Variants in HDAC9 observed in about 807,000 individuals in gnomAD.
HDAC9 encodes the protein MEF-2 interacting transcription repressor (MITR) protein.
HDAC9 carries 41 observed loss-of-function variants against 139.4 expected under a neutral mutation model. That is an observed-to-expected ratio of 0.29 (90% CI 0.23 to 0.38). The LOEUF (loss-of-function observed/expected upper bound fraction) is 0.38, where lower values mean the gene tolerates loss of function less well. Among genes scored for constraint, HDAC9 ranks in the 10% least tolerant of loss-of-function variants. The probability of loss-of-function intolerance (pLI) is 1.00; values close to 1 mark genes in which losing one functional copy is unlikely to be tolerated. For synonymous variants in HDAC9, 517 were observed against 476.2 expected (o/e 1.09, Z -1.12); for missense variants, 1,147 against 1,297.0 (o/e 0.88, Z 1.78).
intron 2 of HDAC9, among the ~76,000 whole-genome samples, chr7:18,198,252 C>T (rs1432283913): frequency 2.8e-4 from 43 of 151,922 alleles, no homozygotes. Flanking sequence ...TAAAGAAAAT[C>T]TCTTAATACA....
intron 22 of HDAC9, among the ~76,000 whole-genome samples, chr7:18,886,623 A>G (rs2129263598): frequency 6.6e-6 from 1 of 152,294 alleles, no homozygotes; most frequent in South Asian, 2.1e-4. Context: ...ATGGAAAATA[A>G]TATTTTACTC....
chr7:18,734,316 G>C (rs900207159), intron 13 of HDAC9, among the ~76,000 whole-genome samples: 1 of 152,090 alleles, frequency 6.6e-6, no homozygotes, highest in East Asian at 1.9e-4. Context: ...TGCCATGTTG[G>C]TTTGCCGTAC....
At chr7:18,591,741 C>T in intron 5 of HDAC9, 99 bp downstream of exon 5, 3 of 1,476,700 alleles carry the variant, frequency 2.0e-6, no homozygotes, top group Non-Finnish European at 2.7e-6. Context: ...CATTTCTCAG[C>T]TGTCTGGCTG....
chr7:18,702,372 G>T (rs929691022), intron 12 of HDAC9, among the ~76,000 whole-genome samples: 3 of 152,184 alleles, frequency 2.0e-5, no homozygotes, highest in Non-Finnish European at 4.4e-5. Context: ...ATTTATGGAC[G>T]CACTGGTGTC....
chr7:18,310,336 A>G (rs910475100), intron 1 of HDAC9, among the ~76,000 whole-genome samples: 2 of 152,158 alleles, frequency 1.3e-5, no homozygotes, highest in Middle Eastern at 6.3e-3. Flanking sequence ...AGGACGATAT[A>G]CCATGGCCCA....
intron 2 of HDAC9, among the ~76,000 whole-genome samples, chr7:18,266,284 A>G (rs1225212634): frequency 6.6e-6 from 1 of 152,166 alleles, no homozygotes; most frequent in Non-Finnish European, 1.5e-5. Flanking sequence ...TGAAAGTTCT[A>G]ATTTTATTAG....
chr7:18,902,708 A>G (rs1388488121), intron 22 of HDAC9, among the ~76,000 whole-genome samples: 2 of 152,230 alleles, frequency 1.3e-5, no homozygotes, highest in African/African-American at 2.4e-5. Flanking sequence ...ATTTCCTAAA[A>G]TATAATTATT....
chr7:18,174,455 C>CT (rs1788716888), intron 2 of HDAC9, among the ~76,000 whole-genome samples: 1 of 152,208 alleles, frequency 6.6e-6, no homozygotes, highest in Admixed American at 6.5e-5. Context: ...CTTCTGTCAG[C>CT]TCATCAAAGT....
chr7:18,879,936 A>G (rs1160969782), intron 22 of HDAC9, among the ~76,000 whole-genome samples: 1 of 152,194 alleles, frequency 6.6e-6, no homozygotes, highest in African/African-American at 2.4e-5. Context: ...AATATTCAGC[A>G]TCTATAAGGA....
chr7:18,338,198 A>T (rs1210825512), intron 1 of HDAC9, among the ~76,000 whole-genome samples: 1 of 151,758 alleles, frequency 6.6e-6, no homozygotes, highest in Non-Finnish European at 1.5e-5. Context: ...AGGGTAAGTT[A>T]TATATAATCA....
At chr7:18,540,395 T>C (rs1240495879) in intron 2 of HDAC9, among the ~76,000 whole-genome samples, 4 of 152,160 alleles carry the variant, frequency 2.6e-5, no homozygotes, top group African/African-American at 4.8e-5. Context: ...AATATATTTA[T>C]TCTTTCCTTT....
At chr7:18,586,935 C>T (rs531110615) in intron 3 of HDAC9, among the ~76,000 whole-genome samples, 57 of 152,124 alleles carry the variant, frequency 3.7e-4, no homozygotes, top group African/African-American at 1.3e-3. Flanking sequence ...ATAATAGAAA[C>T]ATTGATATCT....
chr7:18,970,359 G>A (rs1330273504), intron 24 of HDAC9, among the ~76,000 whole-genome samples: 1 of 152,092 alleles, frequency 6.6e-6, no homozygotes, highest in Admixed American at 6.5e-5. Context: ...CATGAATTAT[G>A]CAATTTTTAT....
intron 1 of HDAC9, among the ~76,000 whole-genome samples, chr7:18,459,509 A>G (rs1296220126): frequency 6.6e-6 from 1 of 152,078 alleles, no homozygotes; most frequent in Non-Finnish European, 1.5e-5. Flanking sequence ...GCAATTTTAT[A>G]ACAGGTAATG....
chr7:18,540,919 A>G (rs1160760137), intron 2 of HDAC9, among the ~76,000 whole-genome samples: 1 of 152,142 alleles, frequency 6.6e-6, no homozygotes, highest in Admixed American at 6.5e-5. Context: ...TAGAAGATAG[A>G]TACTATTATT....
At chr7:18,897,515 G>C (rs1373483459) in intron 22 of HDAC9, among the ~76,000 whole-genome samples, 1 of 151,846 alleles carries the variant, frequency 6.6e-6, no homozygotes, top group East Asian at 1.9e-4. Flanking sequence ...GGAGGTTTCT[G>C]ATCCTTCCTG....
At chr7:18,472,306 G>A (rs1168173745) in intron 1 of HDAC9, among the ~76,000 whole-genome samples, 1 of 152,106 alleles carries the variant, frequency 6.6e-6, no homozygotes, top group East Asian at 1.9e-4. Flanking sequence ...CTCTGGTTCT[G>A]TCCTTGATTA....
chr7:18,667,391 A>T, intron 12 of HDAC9: 1 of 981,374 alleles, frequency 1.0e-6, no homozygotes, highest in Non-Finnish European at 1.2e-6. Context: ...TTATATTGTC[A>T]CTAGAATCTC....
chr7:18,347,626 G>A (rs1163102679), intron 1 of HDAC9, among the ~76,000 whole-genome samples: 1 of 151,796 alleles, frequency 6.6e-6, no homozygotes, highest in Non-Finnish European at 1.5e-5. Flanking sequence ...TTATTTTTTA[G>A]ACAGAGTCTC....
Sources: gnomAD v4.1 joint callset for allele counts (sites outside exome capture counted in the v4.1 genomes callset) on GRCh38, gnomAD v4.1.1 for gene constraint, MANE v1.5 for transcripts, NCBI Gene and HGNC (gene_info 2026-07-23, HGNC 2026-07-21) for gene names.